MYOM2: variants seen among roughly 807,000 people sequenced by gnomAD.
The protein encoded by MYOM2 is myomesin-2.
In MYOM2, 254 loss-of-function variants were observed where a neutral mutation model predicts 187.6. The ratio of observed to expected loss-of-function variants is 1.35; its 90% CI spans 1.22 to 1.50. The LOEUF (loss-of-function observed/expected upper bound fraction) is 1.50, where lower values mean the gene tolerates loss of function less well. MYOM2 is among the 40% of genes most tolerant of loss of function. MYOM2 has a pLI of 0.00. For missense variants in MYOM2, 2,796 were observed against 1,924.0 expected (o/e 1.45, Z -8.48); for synonymous variants, 981 against 753.8 (o/e 1.30, Z -4.94).
rs774658374 is a variant in MYOM2 at position 2,078,735 on chromosome 8, T to C, written c.1264T>C (p.Cys422Arg). The change falls in exon 12 of 37, where the codon TGT becomes CGT. Residue 422 changes from cysteine to arginine, a missense_variant and splice_region_variant. By Grantham distance (180) the Cys-to-Arg change is radical (BLOSUM62 -3). Coordinates refer to ENST00000262113, the MANE Select transcript of MYOM2 (RefSeq NM_003970.4). ...TGTTTTTCTTTTTTTAACTTGAAGA[T>C]GTGAAGTAGGAACGAATAATTGGGT... ...SPVMGYFVDR[C>R]EVGTNNWVQC... The C allele has an allele frequency of 3.3e-5, 54 of 1,614,094 alleles. 1 individual carries two copies. In the South Asian group the frequency reaches 4.0e-4, roughly 12 times the overall value.
At chr8:2,131,904 A>C (rs1457334035) in intron 32 of MYOM2, among the ~76,000 whole-genome samples, 2 of 152,052 alleles carry the variant, frequency 1.3e-5, no homozygotes, top group Non-Finnish European at 2.9e-5. Flanking sequence ...GGGCCTCCCA[A>C]AATGCTGGGA....
chr8:2,132,894 C>T (rs547222146), intron 32 of MYOM2, among the ~76,000 whole-genome samples: 76 of 152,342 alleles, frequency 5.0e-4, no homozygotes, highest in Middle Eastern at 3.4e-3. Flanking sequence ...CCCCAGACAC[C>T]TTCCCCGGCA....
intron 15 of MYOM2, among the ~76,000 whole-genome samples, chr8:2,091,240 C>G (rs1796293149): frequency 6.6e-6 from 1 of 151,914 alleles, no homozygotes; most frequent in Non-Finnish European, 1.5e-5. Context: ...GATAGAGTTT[C>G]ACCATATTGC....
In MYOM2 at chr8:2,123,701, A is replaced by G; in HGVS notation, c.3655+59A>G. 2.1e-6 allele frequency: 3 copies of G among 1,455,772 alleles called. No individual in the cohort carries two copies. In the Admixed American group the frequency reaches 5.1e-5, roughly 25 times the overall value. 90.2% of individuals were successfully genotyped at this position (1,455,772 alleles called of 1,614,324 possible). A position where few individuals can be genotyped will look rare whatever the true frequency, so the allele number is the denominator to read the frequency against. Reference sequence around the variant, plus strand: ...AAATTCCTTTCACCAACAGGATGGGATGTATTCTGAAGGCAGGTCTATGTC... The same window carrying G: ...AAATTCCTTTCACCAACAGGATGGGGTGTATTCTGAAGGCAGGTCTATGTC... On this transcript the variant is annotated intron_variant, in intron 30 of 36. Coordinates refer to ENST00000262113, the MANE Select transcript of MYOM2 (RefSeq NM_003970.4).
intron 6 of MYOM2, among the ~76,000 whole-genome samples, chr8:2,060,414 T>C (rs1818814260): frequency 6.6e-6 from 1 of 152,168 alleles, no homozygotes; most frequent in African/African-American, 2.4e-5. Flanking sequence ...TGTGTTTATA[T>C]ATGTTTATAT....
intron 12 of MYOM2, 36 bp downstream of exon 12, chr8:2,078,969 G>A (rs374041689): frequency 1.3e-6 from 2 of 1,598,398 alleles, no homozygotes; most frequent in Non-Finnish European, 8.6e-7. Context: ...ACTGTGCCCA[G>A]GAAGCTTTGG....
chr8:2,092,553 C>A, intron 16 of MYOM2, 33 bp downstream of exon 16: 1 of 1,607,674 alleles, frequency 6.2e-7, no homozygotes, highest in Non-Finnish European at 8.5e-7. Context: ...TGGAGTCAGC[C>A]TTGCAGGAGT....
chr8:2,130,872 A>G (rs1025476955), intron 32 of MYOM2, among the ~76,000 whole-genome samples: 2 of 152,192 alleles, frequency 1.3e-5, no homozygotes, highest in African/African-American at 2.4e-5. Context: ...GAGTAAATCT[A>G]TGTTTCTAGC....
intron 10 of MYOM2, among the ~76,000 whole-genome samples, chr8:2,075,932 T>C (rs1010181624): frequency 6.6e-6 from 1 of 152,260 alleles, no homozygotes; most frequent in Non-Finnish European, 1.5e-5. Flanking sequence ...AAGGATTCTA[T>C]GTTTTGAAGC....
At chr8:2,086,453 GATCTCCACGTGGCCACACACTGTCA>G (rs1796068103) in intron 14 of MYOM2, among the ~76,000 whole-genome samples, 4 of 147,850 alleles carry the variant, frequency 2.7e-5, no homozygotes, top group African/African-American at 5.2e-5. Flanking sequence ...CTACTGTCGT[GATCTCCACGTGGCCACACACTGTCA>G]TGATCTCTGT....
intron 32 of MYOM2, among the ~76,000 whole-genome samples, chr8:2,135,796 G>C (rs1798048295): frequency 6.6e-6 from 1 of 152,156 alleles, no homozygotes; most frequent in African/African-American, 2.4e-5. Flanking sequence ...CATTGTCTAG[G>C]TAAGGCAACA....
At position 2,052,174 on chromosome 8, in the gene MYOM2, G is replaced by T; in HGVS notation, c.124G>T (p.Ala42Ser). The change falls in exon 3 of 37, where the codon GCA becomes TCA. Residue 42 changes from alanine (A) to serine (S), a missense_variant. Transcript: ENST00000262113. ...TTCCTGAAGGCGAGCTTCCACCCAG[G>T]CATCTTCCCAGAAGTCCTTGAGTCA... ...YASKKRASTQ[A>S]SSQKSLSQRS... 4 of 1,613,332 alleles carry T rather than the reference G, an allele frequency of 2.5e-6. No individual in the cohort carries two copies. The highest frequency in any genetic ancestry group is 3.4e-6 in the Non-Finnish European group (4 of 1,179,682).
At chr8:2,087,933 A>G (rs1448199854) in intron 14 of MYOM2, among the ~76,000 whole-genome samples, 1 of 152,306 alleles carries the variant, frequency 6.6e-6, no homozygotes, top group East Asian at 1.9e-4. Context: ...GCAAGCCACA[A>G]CACCTGTCCT....
intron 25 of MYOM2, 122 bp from the exon 26 acceptor site, chr8:2,115,838 T>C: frequency 9.0e-7 from 1 of 1,108,168 alleles, no homozygotes; most frequent in South Asian, 1.6e-5. Flanking sequence ...AAAATTTCAT[T>C]TTGGTTTCTT....
chr8:2,117,786 A>G, intron 27 of MYOM2, 99 bp from the exon 28 acceptor site: 1 of 721,290 alleles, frequency 1.4e-6, no homozygotes, highest in Non-Finnish European at 2.3e-6. Flanking sequence ...ATATATACAC[A>G]CCATGCATAT....
At position 2,093,965 on chromosome 8, in the gene MYOM2, C is replaced by T; in HGVS notation, c.2004-5C>T. The T allele has an allele frequency of 1.9e-6, 3 of 1,613,754 alleles. No individual in the cohort carries two copies. The highest frequency in any genetic ancestry group is 1.1e-5 in the South Asian group (1 of 91,022). On this transcript the variant is annotated splice_region_variant and splice_polypyrimidine_tract_variant and intron_variant, in intron 16 of 36. Coordinates refer to ENST00000262113, the MANE Select transcript of MYOM2 (RefSeq NM_003970.4). ...AGTTCTGACCCTGATCCCTGTGTTT[C>T]TCAGGTTCGTGGTGCACGGCTTAAC... is the stretch of plus-strand genomic sequence containing the variant.
chr8:2,079,685 T>G, intron 13 of MYOM2, 72 bp downstream of exon 13: 1 of 1,514,174 alleles, frequency 6.6e-7, no homozygotes, highest in Non-Finnish European at 9.2e-7. Context: ...ATGGGAGAGA[T>G]GGACAGAGAA....
intron 10 of MYOM2, among the ~76,000 whole-genome samples, 181 bp downstream of exon 10, chr8:2,073,681 C>T (rs372799024): frequency 3.3e-5 from 5 of 152,158 alleles, no homozygotes; most frequent in African/African-American, 4.8e-5. Context: ...TGCTTCCTGC[C>T]GATGAGCAGA....
At chr8:2,049,633 A>G (rs1055016058) in intron 1 of MYOM2, among the ~76,000 whole-genome samples, 4 of 152,212 alleles carry the variant, frequency 2.6e-5, no homozygotes, top group Admixed American at 2.0e-4. Context: ...GTCTTTAAAT[A>G]AGGACAGATC....
Sources: gnomAD v4.1 joint callset for allele counts (sites outside exome capture counted in the v4.1 genomes callset) on GRCh38, gnomAD v4.1.1 for gene constraint, MANE v1.5 for transcripts, NCBI Gene and HGNC (gene_info 2026-07-23, HGNC 2026-07-21) for gene names.